Variants in GPHN observed in about 807,000 individuals in gnomAD.
GPHN encodes the protein gephyrin.
A neutral mutation model predicts 95.5 loss-of-function variants in GPHN; 17 were observed. That is an observed-to-expected ratio of 0.18 (90% confidence interval 0.12 to 0.27). GPHN has a LOEUF of 0.27. Among genes scored for constraint, GPHN ranks in the 10% least tolerant of loss-of-function variants. The probability of loss-of-function intolerance (pLI) is 1.00; values close to 1 mark genes in which losing one functional copy is unlikely to be tolerated. For missense variants in GPHN, 660 were observed against 978.1 expected (o/e 0.67, Z 4.34); for synonymous variants, 320 against 322.5 (o/e 0.99, Z 0.08).
chr14:67,237,798 A>G, the GPHN span, among the ~76,000 whole-genome samples: 50 of 152,282 alleles, frequency 3.3e-4, no homozygotes, highest in African/African-American at 1.2e-3. Context: ...CTCATCCATA[A>G]TATTTAGTTA....
chr14:67,707,275 C>T, the GPHN span, among the ~76,000 whole-genome samples: 1 of 152,158 alleles, frequency 6.6e-6, no homozygotes, highest in East Asian at 1.9e-4. Flanking sequence ...AATTGCAAAA[C>T]ATTAGGCAAG....
At chr14:67,433,966 T>A in the GPHN span, among the ~76,000 whole-genome samples, 1 of 152,226 alleles carries the variant, frequency 6.6e-6, no homozygotes, top group Non-Finnish European at 1.5e-5. Context: ...CGGATCTAAA[T>A]GTGTTTTTAA....
chr14:66,514,770 CTT>C (rs1156580244), intron 1 of GPHN, among the ~76,000 whole-genome samples: 3 of 152,030 alleles, frequency 2.0e-5, no homozygotes, highest in African/African-American at 7.2e-5. Flanking sequence ...TCAGGACTGA[CTT>C]TGTCAATAAA....
chr14:66,577,103 G>C (rs2060938378), intron 1 of GPHN, among the ~76,000 whole-genome samples: 1 of 152,112 alleles, frequency 6.6e-6, no homozygotes, highest in Non-Finnish European at 1.5e-5. Flanking sequence ...GTTGACTGAC[G>C]ATTCTGATTT....
intron 11 of GPHN, among the ~76,000 whole-genome samples, chr14:67,072,407 G>T (rs17103876): frequency 0.027 from 4,137 of 151,968 alleles, 73 homozygotes; most frequent in Non-Finnish European, 0.036. Context: ...TTTTAAGTTT[G>T]AGTGATTCAC....
the GPHN span, chr14:67,727,262 G>T: frequency 2.5e-6 from 3 of 1,177,092 alleles, no homozygotes; most frequent in South Asian, 3.9e-5. Flanking sequence ...AACTTGGGAA[G>T]TCAGGCTGTC....
intron 1 of GPHN, among the ~76,000 whole-genome samples, chr14:66,591,010 A>C (rs993502028): frequency 6.6e-6 from 1 of 152,190 alleles, no homozygotes; most frequent in Admixed American, 6.5e-5. Context: ...ACCTATGCAA[A>C]TCAATAAACA....
the GPHN span, among the ~76,000 whole-genome samples, chr14:67,555,165 G>A: frequency 6.6e-6 from 1 of 152,278 alleles, no homozygotes; most frequent in Non-Finnish European, 1.5e-5. Context: ...TGATCTTCCC[G>A]CCTTAGGCTT....
At chr14:67,295,945 A>C in the GPHN span, among the ~76,000 whole-genome samples, 4,557 of 152,236 alleles carry the variant, frequency 0.03, 85 homozygotes, top group Non-Finnish European at 0.036. Context: ...ACCAAAAAAA[A>C]CCTAGATGTT....
intron 11 of GPHN, among the ~76,000 whole-genome samples, chr14:67,080,538 G>T (rs373022330): frequency 6.6e-6 from 1 of 151,754 alleles, no homozygotes; most frequent in Non-Finnish European, 1.5e-5. Context: ...TATAGTTTTA[G>T]GTCTTACATT....
At chr14:66,977,781 T>C (rs538745172) in intron 9 of GPHN, among the ~76,000 whole-genome samples, 1 of 152,328 alleles carries the variant, frequency 6.6e-6, no homozygotes, top group East Asian at 1.9e-4. Flanking sequence ...CAGGAAAATA[T>C]ACATATCTGT....
At chr14:67,156,354 A>C (rs1025046680) in intron 18 of GPHN, among the ~76,000 whole-genome samples, 5 of 152,170 alleles carry the variant, frequency 3.3e-5, no homozygotes, top group African/African-American at 1.2e-4. Context: ...AAATGCATGT[A>C]AAATATATAC....
the GPHN span, among the ~76,000 whole-genome samples, chr14:67,545,644 A>G: frequency 2.0e-5 from 3 of 152,248 alleles, no homozygotes; most frequent in Non-Finnish European, 2.9e-5. Context: ...AAATTTGGAA[A>G]CATTCTAAAT....
the GPHN span, among the ~76,000 whole-genome samples, chr14:67,245,356 C>T: frequency 2.0e-5 from 3 of 151,996 alleles, no homozygotes; most frequent in Admixed American, 6.6e-5. Context: ...AGTAGTATCT[C>T]GTTGGGATTT....
At chr14:66,584,766 G>A (rs1040315869) in intron 1 of GPHN, among the ~76,000 whole-genome samples, 1 of 152,118 alleles carries the variant, frequency 6.6e-6, no homozygotes, top group South Asian at 2.1e-4. Flanking sequence ...TAAGCTTTTT[G>A]ATGTGCTGCT....
chr14:67,212,889 A>G, the GPHN span, among the ~76,000 whole-genome samples: 1 of 147,900 alleles, frequency 6.8e-6, no homozygotes, highest in Non-Finnish European at 1.5e-5. Context: ...GCCTCTAGAT[A>G]CAAGTGCCAA....
At chr14:66,896,921 T>G (rs2064883201) in intron 5 of GPHN, among the ~76,000 whole-genome samples, 1 of 152,156 alleles carries the variant, frequency 6.6e-6, no homozygotes, top group Admixed American at 6.5e-5. Flanking sequence ...AGAACACTGC[T>G]TAGTTTCTCA....
At chr14:67,089,125 C>CTTT (rs1264164364) in intron 12 of GPHN, 50 bp downstream of exon 12, 24 of 329,528 alleles carry the variant, frequency 7.3e-5, no homozygotes, top group African/African-American at 1.7e-4. Flanking sequence ...ATTTTTTTTT[C>CTTT]TTTTTTTCTT....
chr14:67,091,029 T>C (rs2077126431), intron 12 of GPHN, among the ~76,000 whole-genome samples: 1 of 151,950 alleles, frequency 6.6e-6, no homozygotes, highest in African/African-American at 2.4e-5. Context: ...TAACCATTAT[T>C]ATCATATTAT....
Sources: allele counts gnomAD v4.1 joint callset (sites outside exome capture counted in the v4.1 genomes callset), GRCh38; gene constraint gnomAD v4.1.1; transcripts MANE v1.5; gene names NCBI Gene and HGNC (gene_info 2026-07-23, HGNC 2026-07-21).